The following ME1 variants were observed in gnomAD, a reference collection of about 807,000 sequenced individuals.
ME1 encodes NADP-dependent malic enzyme.
Under a neutral mutation model 66.4 loss-of-function variants are expected in ME1, and 74 were observed. The ratio of observed to expected loss-of-function variants is 1.11; its 90% CI spans 0.92 to 1.35. ME1 has a LOEUF of 1.35. Among genes scored for constraint, ME1 ranks in the 40% most tolerant of loss-of-function variants. The probability of loss-of-function intolerance (pLI) is 0.00; values close to 1 mark genes in which losing one functional copy is unlikely to be tolerated. For missense variants in ME1, 750 were observed against 694.1 expected, an observed-to-expected ratio of 1.08 and a Z score of -0.90; for synonymous variants, 251 against 235.6, an observed-to-expected ratio of 1.07 and a Z score of -0.60.
chr6:83,234,684 A>G (rs555741453), intron 9 of ME1, among the ~76,000 whole-genome samples: 11 of 152,230 alleles, frequency 7.2e-5, no homozygotes, highest in African/African-American at 2.6e-4. Context: ...ACAGCTTTGT[A>G]ACTAGTTCTT....
At chr6:83,304,797 T>C (rs1767796268) in intron 6 of ME1, among the ~76,000 whole-genome samples, 1 of 152,226 alleles carries the variant, frequency 6.6e-6, no homozygotes, top group African/African-American at 2.4e-5. Context: ...ATGATTATTT[T>C]GTTCTTACAT....
chr6:83,231,903 T>G (rs146430249), intron 9 of ME1, among the ~76,000 whole-genome samples: 1 of 152,202 alleles, frequency 6.6e-6, no homozygotes, highest in Admixed American at 6.5e-5. Context: ...AAACTTTATT[T>G]GTGATATTAT....
intron 6 of ME1, among the ~76,000 whole-genome samples, chr6:83,314,265 T>C (rs970760001): frequency 6.6e-6 from 1 of 152,204 alleles, no homozygotes; most frequent in African/African-American, 2.4e-5. Context: ...TGAGCATCTC[T>C]AATCCAAAAA....
At chr6:83,229,442 C>T (rs180952643) in intron 9 of ME1, among the ~76,000 whole-genome samples, 38 of 152,140 alleles carry the variant, frequency 2.5e-4, no homozygotes, top group Admixed American at 1.0e-3. Flanking sequence ...ATTATGAATG[C>T]GCCATGTGTT....
chr6:83,324,716 C>CAA (rs55866196), intron 5 of ME1, among the ~76,000 whole-genome samples: 2,486 of 49,034 alleles, frequency 0.051, 93 homozygotes, highest in Middle Eastern at 0.12. Flanking sequence ...GCCTACCAAC[C>CAA]AAAAAAAAAA....
chr6:83,221,388 A>G (rs1790088469), intron 12 of ME1, among the ~76,000 whole-genome samples: 1 of 152,336 alleles, frequency 6.6e-6, no homozygotes, highest in African/African-American at 2.4e-5. Context: ...AGATCATTGG[A>G]GAATAATTCT....
intron 1 of ME1, among the ~76,000 whole-genome samples, chr6:83,410,384 T>C (rs1770027187): frequency 6.6e-6 from 1 of 152,162 alleles, no homozygotes; most frequent in South Asian, 2.1e-4. Flanking sequence ...ATCAAATTAC[T>C]TTTAAAATTC....
intron 6 of ME1, among the ~76,000 whole-genome samples, chr6:83,306,895 C>G (rs1767834074): frequency 6.6e-6 from 1 of 151,908 alleles, no homozygotes; most frequent in Non-Finnish European, 1.5e-5. Context: ...AGAACAAAAA[C>G]AGTGTAAAAC....
chr6:83,402,300 G>T (rs1112482), intron 2 of ME1, among the ~76,000 whole-genome samples: 1 of 151,940 alleles, frequency 6.6e-6, no homozygotes, highest in Non-Finnish European at 1.5e-5. Context: ...AGGATTCATA[G>T]GTCTAGGAAT....
chr6:83,310,283 C>A (rs1377187848), intron 6 of ME1, among the ~76,000 whole-genome samples: 1 of 152,062 alleles, frequency 6.6e-6, no homozygotes, highest in Non-Finnish European at 1.5e-5. Context: ...CCATCTCAGC[C>A]CAACTGGTAA....
chr6:83,275,195 G>A (rs1767154105), intron 6 of ME1, among the ~76,000 whole-genome samples: 1 of 151,758 alleles, frequency 6.6e-6, no homozygotes, highest in Non-Finnish European at 1.5e-5. Context: ...TTAGCCAGGT[G>A]TGGTGCCAGG....
At position 83,309,597 on chromosome 6, in the gene ME1, G is replaced by C. The variant is rs1044710022; in HGVS notation, c.704+5713C>G. On this transcript the variant is annotated intron_variant, in intron 6 of 13. Coordinates refer to ENST00000369705, the MANE Select transcript of ME1 (RefSeq NM_002395.6). ...CATATGCTATGTCTATTACAGATCT[G>C]AGTATAAATGTGAAGTGGAGTTTTA... Among the ~76,000 whole-genome samples the C allele has an allele frequency of 1.9e-4, 29 of 152,112 alleles. 1 individual carries two copies. Among genetic ancestry groups the C allele is most frequent in the African/African-American group, 7.0e-4 (29 of 41,408 alleles).
intron 6 of ME1, among the ~76,000 whole-genome samples, chr6:83,275,374 T>TAAA: frequency 7.3e-6 from 1 of 137,174 alleles, no homozygotes; most frequent in East Asian, 2.1e-4. Flanking sequence ...ATAATAATAA[T>TAAA]AAACTAGCAC....
At chr6:83,420,832 T>A (rs967417367) in intron 1 of ME1, among the ~76,000 whole-genome samples, 33 of 152,222 alleles carry the variant, frequency 2.2e-4, no homozygotes, top group African/African-American at 8.0e-4. Flanking sequence ...CAAAACAGTA[T>A]AACACTCCTT....
chr6:83,236,637 A>G (rs1790406944), intron 9 of ME1, among the ~76,000 whole-genome samples: 1 of 152,220 alleles, frequency 6.6e-6, no homozygotes, highest in South Asian at 2.1e-4. Context: ...AAATAATACT[A>G]TGAAGTAGAT....
intron 6 of ME1, among the ~76,000 whole-genome samples, chr6:83,261,593 T>C (rs1173525300): frequency 6.6e-6 from 1 of 151,910 alleles, no homozygotes; most frequent in Non-Finnish European, 1.5e-5. Flanking sequence ...GAACATCCAG[T>C]GAGGAAGTGA....
chr6:83,255,802 A>G (rs1302952401), intron 6 of ME1, among the ~76,000 whole-genome samples: 1 of 152,042 alleles, frequency 6.6e-6, no homozygotes, highest in Non-Finnish European at 1.5e-5. Context: ...AAGATATTAC[A>G]CACACACACT....
At chr6:83,364,791 C>T (rs1317765973) in intron 3 of ME1, among the ~76,000 whole-genome samples, 3 of 152,204 alleles carry the variant, frequency 2.0e-5, no homozygotes, top group Non-Finnish European at 4.4e-5. Flanking sequence ...ATACTTCCAA[C>T]AGGGTTCATT....
At chr6:83,334,438 G>GAAGCTC (rs1768487456) in intron 5 of ME1, among the ~76,000 whole-genome samples, 3 of 34,722 alleles carry the variant, frequency 8.6e-5, no homozygotes, top group African/African-American at 2.6e-4. Context: ...AAGCAGCCGG[G>GAAGCTC]AAGCTCGAAC....
Sources: allele counts gnomAD v4.1 joint callset (sites outside exome capture counted in the v4.1 genomes callset), GRCh38; gene constraint gnomAD v4.1.1; transcripts MANE v1.5; gene names NCBI Gene and HGNC (gene_info 2026-07-23, HGNC 2026-07-21).